KCNQ3: variants seen among roughly 807,000 people sequenced by gnomAD.
The protein encoded by KCNQ3 is potassium voltage-gated channel subfamily Q member 3.
A neutral mutation model predicts 92.5 loss-of-function variants in KCNQ3; 30 were observed. That is an observed-to-expected ratio of 0.32 (90% confidence interval 0.24 to 0.44). KCNQ3 has a LOEUF of 0.44. KCNQ3 is among the 20% of genes least tolerant of loss of function. The pLI, the probability that KCNQ3 is intolerant of heterozygous loss-of-function variation, is 1.00. For missense variants in KCNQ3, 913 were observed against 1,140.3 expected (o/e 0.80, Z 2.87); for synonymous variants, 450 against 468.8 (o/e 0.96, Z 0.52).
chr8:132,146,803 A>C (rs1165547530), intron 9 of KCNQ3, among the ~76,000 whole-genome samples: 1 of 152,086 alleles, frequency 6.6e-6, no homozygotes, highest in Non-Finnish European at 1.5e-5. Flanking sequence ...TGGCCAGATT[A>C]GTTTCAAACA....
chr8:132,427,367 T>G (rs1400484850), intron 1 of KCNQ3, among the ~76,000 whole-genome samples: 1 of 152,222 alleles, frequency 6.6e-6, no homozygotes, highest in Non-Finnish European at 1.5e-5. Context: ...ACCCTCCTCT[T>G]TCTTGCCTGG....
At chr8:132,176,086 C>G (rs1406167607) in intron 4 of KCNQ3, among the ~76,000 whole-genome samples, 2 of 152,192 alleles carry the variant, frequency 1.3e-5, no homozygotes, top group Non-Finnish European at 2.9e-5. Context: ...TCTCCCAAAT[C>G]TCAGTATCTT....
chr8:132,403,235 A>G (rs1820395457), intron 1 of KCNQ3, among the ~76,000 whole-genome samples: 1 of 30,168 alleles, frequency 3.3e-5, no homozygotes, highest in African/African-American at 1.6e-4. Context: ...AAACGCCCAA[A>G]TGAGGACTTG....
chr8:132,361,602 A>C (rs1384096813), intron 1 of KCNQ3, among the ~76,000 whole-genome samples: 1 of 152,238 alleles, frequency 6.6e-6, no homozygotes, highest in Non-Finnish European at 1.5e-5. Flanking sequence ...AAAAGAAAAG[A>C]AAAATAAAAT....
rs574517852 is a variant in KCNQ3 at position 132,305,662 on chromosome 8, G to A, written c.387-119481C>T. 4.6e-5 allele frequency among the ~76,000 whole-genome samples: 7 copies of A among 152,168 alleles called. No homozygotes were observed. In the East Asian group the frequency reaches 1.4e-3, roughly 30 times the overall value. ...TTCAGTACTGACTCTGGCTGTAGCTGTACCTGCCCAACCCCCAACAGTAGC... is the reference window on the plus strand; with the variant it reads ...TTCAGTACTGACTCTGGCTGTAGCTATACCTGCCCAACCCCCAACAGTAGC... On this transcript the variant is annotated intron_variant, in intron 1 of 14. Transcript: ENST00000388996.
At chr8:132,439,860 C>T (rs999155410) in intron 1 of KCNQ3, among the ~76,000 whole-genome samples, 1 of 152,174 alleles carries the variant, frequency 6.6e-6, no homozygotes, top group South Asian at 2.1e-4. Flanking sequence ...ATTTACACTG[C>T]TTTAAGCTGC....
At chr8:132,265,842 T>C (rs2130484094) in intron 1 of KCNQ3, among the ~76,000 whole-genome samples, 2 of 152,308 alleles carry the variant, frequency 1.3e-5, no homozygotes, top group South Asian at 4.1e-4. Context: ...ATACACACTT[T>C]TTGTCTGTGT....
At chr8:132,206,208 C>A (rs1033440711) in intron 1 of KCNQ3, among the ~76,000 whole-genome samples, 1 of 152,158 alleles carries the variant, frequency 6.6e-6, no homozygotes, top group African/African-American at 2.4e-5. Flanking sequence ...CATCCCTGTC[C>A]TTCCACCCTA....
At chr8:132,383,588 A>C (rs1586973776) in intron 1 of KCNQ3, among the ~76,000 whole-genome samples, 1 of 152,216 alleles carries the variant, frequency 6.6e-6, no homozygotes, top group East Asian at 1.9e-4. Context: ...CCCCAGCGCC[A>C]TATAACATCA....
chr8:132,457,326 T>C (rs1049963749), intron 1 of KCNQ3, among the ~76,000 whole-genome samples: 1 of 152,174 alleles, frequency 6.6e-6, no homozygotes, highest in African/African-American at 2.4e-5. Context: ...GGAAGAAAGA[T>C]ACAGAGACAC....
At chr8:132,163,654 G>T (rs1170215593) in intron 8 of KCNQ3, among the ~76,000 whole-genome samples, 160 bp from the exon 9 acceptor site, 1 of 152,200 alleles carries the variant, frequency 6.6e-6, no homozygotes, top group Non-Finnish European at 1.5e-5. Flanking sequence ...AAGGAGGCGG[G>T]TTTACCCATC....
At chr8:132,155,569 A>G (rs905543256) in intron 9 of KCNQ3, among the ~76,000 whole-genome samples, 3 of 152,224 alleles carry the variant, frequency 2.0e-5, no homozygotes, top group African/African-American at 7.2e-5. Flanking sequence ...ACCATCATAT[A>G]GATGAGGAAA....
chr8:132,190,820 G>C (rs1289762082), intron 1 of KCNQ3, among the ~76,000 whole-genome samples: 1 of 152,174 alleles, frequency 6.6e-6, no homozygotes, highest in African/African-American at 2.4e-5. Context: ...ATGTGGAATG[G>C]GAATCTGCAC....
chr8:132,193,898 C>A (rs1827232237), intron 1 of KCNQ3, among the ~76,000 whole-genome samples: 1 of 152,166 alleles, frequency 6.6e-6, no homozygotes, highest in Non-Finnish European at 1.5e-5. Flanking sequence ...AGAGGGAGAG[C>A]AGGGAAGGCA....
Position 132,128,356 on chromosome 8 carries a change from A to ATAT in KCNQ3, c.*903_*905dup, listed in dbSNP as rs1419475235. 5 of 152,288 alleles carry ATAT rather than the reference A, an allele frequency of 3.3e-5. No individual in the cohort carries two copies. In the East Asian group the frequency reaches 7.7e-4, roughly 23 times the overall value. 9.4% of individuals were successfully genotyped at this position (152,288 alleles called of 1,614,324 possible). A position where few individuals can be genotyped will look rare whatever the true frequency, so the allele number is the denominator to read the frequency against. On this transcript the variant is annotated 3_prime_UTR_variant, in exon 15 of 15. Coordinates refer to ENST00000388996, the MANE Select transcript of KCNQ3 (RefSeq NM_004519.4). Reference sequence around the variant, plus strand: ...TGACTTTAATTTCTATTTTAGATGGATATTTTGTACTTCAGTATCATGGGA... The same window carrying ATAT: ...TGACTTTAATTTCTATTTTAGATGGATATTATTTTGTACTTCAGTATCATGGGA...
At chr8:132,375,665 C>A (rs1819586879) in intron 1 of KCNQ3, among the ~76,000 whole-genome samples, 1 of 152,214 alleles carries the variant, frequency 6.6e-6, no homozygotes, top group Non-Finnish European at 1.5e-5. Context: ...TTGCCTCCCT[C>A]TCCTAGGCTC....
At chr8:132,476,289 G>C (rs988391407) in intron 1 of KCNQ3, among the ~76,000 whole-genome samples, 3 of 152,208 alleles carry the variant, frequency 2.0e-5, no homozygotes, top group African/African-American at 7.2e-5. Context: ...ATCCCCAATG[G>C]GACACTGCCT....
intron 3 of KCNQ3, among the ~76,000 whole-genome samples, chr8:132,181,651 T>C (rs906668389): frequency 1.3e-5 from 2 of 152,196 alleles, no homozygotes; most frequent in African/African-American, 4.8e-5. Flanking sequence ...CCTGGGAATC[T>C]GCCAGAAGCC....
intron 1 of KCNQ3, among the ~76,000 whole-genome samples, chr8:132,387,165 A>G (rs2130764166): frequency 6.6e-6 from 1 of 152,338 alleles, no homozygotes; most frequent in South Asian, 2.1e-4. Flanking sequence ...ATATTAAAAG[A>G]AAAAGAAAAT....
Sources: allele counts gnomAD v4.1 joint callset (sites outside exome capture counted in the v4.1 genomes callset), GRCh38; gene constraint gnomAD v4.1.1; transcripts MANE v1.5; gene names NCBI Gene and HGNC (gene_info 2026-07-23, HGNC 2026-07-21).